ARMC2: variants seen among roughly 807,000 people sequenced by gnomAD.
ARMC2 encodes the protein armadillo repeat containing 2, also known as armadillo repeat-containing protein 2.
In ARMC2, 67 loss-of-function variants were observed where a neutral mutation model predicts 90.3. The observed-to-expected ratio is 0.74, with a 90% CI of 0.61 to 0.91. The LOEUF (loss-of-function observed/expected upper bound fraction) is 0.91, where lower values mean the gene tolerates loss of function less well. Among genes scored for constraint, ARMC2 ranks in the 40% least tolerant of loss-of-function variants. The pLI is 0.00. For synonymous variants in ARMC2, 393 were observed against 393.0 expected (o/e 1.00, Z 0.00); for missense variants, 920 against 1,030.9 (o/e 0.89, Z 1.47).
chr6:108,986,193 T>TCTA, the ARMC2 span, among the ~76,000 whole-genome samples: 1 of 152,222 alleles, frequency 6.6e-6, no homozygotes, highest in Non-Finnish European at 1.5e-5. Context: ...TTCTTAAAAT[T>TCTA]CTATTGGAAC....
the ARMC2 span, among the ~76,000 whole-genome samples, chr6:109,038,880 A>G: frequency 6.6e-6 from 1 of 151,600 alleles, no homozygotes; most frequent in Non-Finnish European, 1.5e-5. Context: ...GAAGAAATGA[A>G]GAGGAAAAGA....
intron 6 of ARMC2, among the ~76,000 whole-genome samples, chr6:108,897,926 TACAC>T (rs1227070003): frequency 6.6e-6 from 1 of 152,158 alleles, no homozygotes; most frequent in Non-Finnish European, 1.5e-5. Context: ...ACTAAGGTAT[TACAC>T]ACATTCAATA....
intron 5 of ARMC2, among the ~76,000 whole-genome samples, chr6:108,893,337 C>A (rs1276267547): frequency 6.6e-6 from 1 of 152,110 alleles, no homozygotes; most frequent in Non-Finnish European, 1.5e-5. Flanking sequence ...GGAATCAGGG[C>A]ACATTTTTAT....
intron 4 of ARMC2, among the ~76,000 whole-genome samples, chr6:108,870,833 C>G (rs1018357947): frequency 3.3e-5 from 5 of 152,150 alleles, no homozygotes; most frequent in Non-Finnish European, 7.3e-5. Context: ...TCTAGGCCAA[C>G]AAAGTTCTGT....
chr6:108,883,763 G>A (rs879437765), intron 5 of ARMC2, among the ~76,000 whole-genome samples: 9 of 152,138 alleles, frequency 5.9e-5, no homozygotes, highest in Non-Finnish European at 1.2e-4. Flanking sequence ...TTCAAGCAAA[G>A]TTTATACTTA....
At position 108,876,200 on chromosome 6, in the gene ARMC2, T is replaced by C. The variant is rs149452075; in HGVS notation, c.521T>C (p.Ile174Thr). 154 of 1,612,770 alleles carry C rather than the reference T, an allele frequency of 9.5e-5. No individual in the cohort carries two copies. Among genetic ancestry groups the C allele is most frequent in the Non-Finnish European group, 1.3e-4 (151 of 1,179,580 alleles). The change falls in exon 5 of 18, where the codon ATA becomes ACA. Residue 174 changes from isoleucine to threonine, a missense_variant. By Grantham distance (89) the Ile-to-Thr change is moderately conservative (BLOSUM62 -1). Transcript: ENST00000392644. ...TVMMGDSMVKINGIYLTKSNA... is the reference protein window; with the variant it reads ...TVMMGDSMVKTNGIYLTKSNA... Reference sequence around the variant, plus strand: ...ATGATGGGGGACTCTATGGTGAAAATAAATGGGATTTATTTAACAAAATCA... The same window carrying C: ...ATGATGGGGGACTCTATGGTGAAAACAAATGGGATTTATTTAACAAAATCA...
the ARMC2 span, among the ~76,000 whole-genome samples, chr6:109,028,530 A>G: frequency 5.3e-5 from 8 of 152,310 alleles, no homozygotes; most frequent in South Asian, 1.7e-3. Flanking sequence ...CATGCAGCAA[A>G]AAAGTAAAGT....
intron 8 of ARMC2, 88 bp from the exon 9 acceptor site, chr6:108,910,811 G>A (rs114634354): frequency 0.016 from 10,261 of 650,628 alleles, 419 homozygotes; most frequent in African/African-American, 0.11. Context: ...TACTGTTGCT[G>A]TACTTTAAAA....
At chr6:108,936,260 T>C (rs1172603975) in intron 11 of ARMC2, among the ~76,000 whole-genome samples, 10 of 151,732 alleles carry the variant, frequency 6.6e-5, no homozygotes, top group Admixed American at 6.5e-4. Context: ...GTTTGTTTGT[T>C]TGTTTGTTTG....
chr6:108,958,598 C>G (rs566451184), intron 13 of ARMC2, among the ~76,000 whole-genome samples: 6 of 152,274 alleles, frequency 3.9e-5, no homozygotes, highest in African/African-American at 1.4e-4. Flanking sequence ...AGAAATAAAA[C>G]AGATCCCCAA....
intron 2 of ARMC2, 112 bp from the exon 3 acceptor site, chr6:108,858,087 G>T (rs994298052): frequency 7.2e-6 from 5 of 693,348 alleles, no homozygotes; most frequent in South Asian, 4.4e-5. Flanking sequence ...TTTCCTCATG[G>T]TTTATGCATT....
At chr6:108,985,310 T>C in the ARMC2 span, among the ~76,000 whole-genome samples, 2 of 152,162 alleles carry the variant, frequency 1.3e-5, no homozygotes, top group African/African-American at 4.8e-5. Context: ...AACTCTTGAA[T>C]CCTGGGACCC....
At chr6:108,955,645 T>C (rs964581048) in intron 13 of ARMC2, among the ~76,000 whole-genome samples, 12 of 152,182 alleles carry the variant, frequency 7.9e-5, no homozygotes, top group African/African-American at 2.4e-4. Context: ...ACCACTTCCA[T>C]GTAAATAACT....
chr6:108,919,850 C>T (rs1223418971), intron 10 of ARMC2, among the ~76,000 whole-genome samples: 1 of 152,142 alleles, frequency 6.6e-6, no homozygotes, highest in Non-Finnish European at 1.5e-5. Context: ...TCTGCCTGTT[C>T]TAAAACTTTA....
chr6:108,946,312 A>G (rs758455356), intron 12 of ARMC2, among the ~76,000 whole-genome samples: 12 of 152,228 alleles, frequency 7.9e-5, no homozygotes, highest in Non-Finnish European at 1.6e-4. Flanking sequence ...AGATAGATGG[A>G]TGGAGGAATC....
rs369447214 is a variant in ARMC2, at chr6:108,890,917, C to A, written c.672-3550C>A. Among the ~76,000 whole-genome samples, 188 of 148,908 alleles carry A rather than the reference C, an allele frequency of 1.3e-3. 4 individuals carry two copies. The East Asian group carries it at 0.034, about 27-fold the overall frequency. ...CTATCCCTCCCCTAGCCCCCCACCC[C>A]CCGACAGGCCCCAGTGTGTGATGTG... On this transcript the variant is annotated intron_variant, in intron 5 of 17. Transcript: ENST00000392644.
chr6:109,015,253 T>C, the ARMC2 span, among the ~76,000 whole-genome samples: 3 of 152,240 alleles, frequency 2.0e-5, no homozygotes, highest in Non-Finnish European at 4.4e-5. Context: ...TCAGAATCTC[T>C]CCACTTCTCC....
intron 3 of ARMC2, among the ~76,000 whole-genome samples, chr6:108,860,416 A>G (rs575415689): frequency 1.3e-5 from 2 of 152,094 alleles, no homozygotes; most frequent in South Asian, 4.2e-4. Flanking sequence ...TAATCCCAGC[A>G]CTTTGGGAGG....
rs1050444182 is a variant in ARMC2 at position 108,907,578 on chromosome 6, G to T, written c.1023+3173G>T. 7 of 1,517,776 alleles carry T rather than the reference G, an allele frequency of 4.6e-6. No homozygotes were observed. The East Asian group carries it at 1.4e-4, about 30-fold the overall frequency. The allele number at this position is 1,517,776 out of a possible 1,614,324, so 94.0% of individuals were successfully genotyped here. ...TCACAGAGGGGCTCGGGCCAAGGTCGTGGGGTGGGGGGGTGCAGAGCGTGT... is the reference window on the plus strand; with the variant it reads ...TCACAGAGGGGCTCGGGCCAAGGTCTTGGGGTGGGGGGGTGCAGAGCGTGT... On this transcript the variant is annotated intron_variant, in intron 8 of 17. Transcript: ENST00000392644.
Sources: allele counts gnomAD v4.1 joint callset (sites outside exome capture counted in the v4.1 genomes callset), GRCh38; gene constraint gnomAD v4.1.1; transcripts MANE v1.5; gene names NCBI Gene and HGNC (gene_info 2026-07-23, HGNC 2026-07-21).